Variants in EYS observed in about 807,000 individuals in gnomAD.
EYS encodes the protein EGF-like photoreceptor maintenance factor.
Under a neutral mutation model 282.1 loss-of-function variants are expected in EYS, and 250 were observed. The observed-to-expected ratio is 0.89, with a 90% CI of 0.80 to 0.98. The LOEUF is 0.98. Ranked by LOEUF, EYS falls within the 50% of genes least tolerant of loss-of-function variation. The pLI is 0.00. For synonymous variants in EYS, 1,355 were observed against 1,282.9 expected (o/e 1.06, Z -1.20); for missense variants, 4,016 against 3,709.0 (o/e 1.08, Z -2.15).
intron 26 of EYS, among the ~76,000 whole-genome samples, chr6:64,442,804 A>C (rs1345407279): frequency 7.0e-6 from 1 of 142,332 alleles, no homozygotes; most frequent in East Asian, 2.2e-4. Flanking sequence ...CTCTGCCTAG[A>C]TTTCAGAAGA....
At position 64,912,588 on chromosome 6, in the gene EYS, CA is replaced by C; in HGVS notation, c.2536del (p.Cys846AlafsTer22). 1.9e-6 allele frequency: 3 copies of C among 1,551,140 alleles called. No individual in the cohort carries two copies. Among genetic ancestry groups the C allele is most frequent in the Non-Finnish European group, 2.6e-6 (3 of 1,146,632 alleles). ...GTCACAAAGGTTATAGCGTTGGTGG[CA>C]AAATTGTCCAGTATAAAGGGGTGGG... ...LCPPLYTGQF[C>X]HQRYNLCDLL... On this transcript the variant is annotated frameshift_variant, in exon 16 of 43. Transcript: ENST00000503581. LOFTEE classifies it high-confidence loss of function.
At chr6:65,267,967 CCACACA>C (rs370093622) in intron 12 of EYS, among the ~76,000 whole-genome samples, 4 of 149,588 alleles carry the variant, frequency 2.7e-5, no homozygotes, top group African/African-American at 4.9e-5. Flanking sequence ...ACACACACAC[CCACACA>C]CACACACACA....
intron 22 of EYS, among the ~76,000 whole-genome samples, chr6:64,790,102 G>A (rs79111296): frequency 1.4e-3 from 208 of 151,836 alleles, no homozygotes; most frequent in African/African-American, 4.8e-3. Context: ...TTATTTGCTG[G>A]AAGAAACTAA....
At position 65,550,143 on chromosome 6, in the gene EYS, CTTTTTTTTTTTTTTTTTTTTTTT is replaced by C. The variant is rs1048251073; in HGVS notation, c.-332-54173_-332-54151del. Among the ~76,000 whole-genome samples the C allele has an allele frequency of 2.7e-3, 16 of 5,954 alleles. 2 individuals carry two copies. Among genetic ancestry groups the C allele is most frequent in the African/African-American group, 3.9e-3 (3 of 764 alleles). 3.9% of individuals were successfully genotyped at this position (5,954 alleles called of 152,430 possible). ...AAGTTAGTATCTGACTCTACTATAT[CTTTTTTTTTTTTTTTTTTTTTTT>C]TTTTTTTTTTTTTTTTTTTGGGGAT... On this transcript the variant is annotated intron_variant, in intron 2 of 42. Transcript: ENST00000503581.
intron 35 of EYS, among the ~76,000 whole-genome samples, chr6:63,909,356 A>C (rs866555198): frequency 7.9e-5 from 12 of 152,246 alleles, no homozygotes; most frequent in Middle Eastern, 3.4e-3. Flanking sequence ...TACTCTCTCT[A>C]TATATTTTTA....
At chr6:64,402,561 G>A (rs1341580793) in intron 28 of EYS, among the ~76,000 whole-genome samples, 1 of 152,116 alleles carries the variant, frequency 6.6e-6, no homozygotes. Flanking sequence ...GATTGCTTCT[G>A]GTCTTTATGT....
At chr6:64,908,254 A>G (rs1454712563) in intron 16 of EYS, among the ~76,000 whole-genome samples, 1 of 152,080 alleles carries the variant, frequency 6.6e-6, no homozygotes, top group African/African-American at 2.4e-5. Context: ...CCAGATGCCG[A>G]AACAGGAGCA....
At chr6:65,299,682 A>C (rs1582114954) in intron 11 of EYS, among the ~76,000 whole-genome samples, 1 of 152,260 alleles carries the variant, frequency 6.6e-6, no homozygotes, top group East Asian at 1.9e-4. Flanking sequence ...CAAATATTAC[A>C]GTGCGTTTCC....
chr6:64,043,114 G>A (rs963004567), intron 33 of EYS, among the ~76,000 whole-genome samples: 1 of 151,834 alleles, frequency 6.6e-6, no homozygotes, highest in African/African-American at 2.4e-5. Context: ...ATTTAAGTTG[G>A]GTCCCATAAA....
intron 12 of EYS, among the ~76,000 whole-genome samples, chr6:65,248,121 A>T (rs1170833037): frequency 6.6e-6 from 1 of 152,036 alleles, no homozygotes; most frequent in African/African-American, 2.4e-5. Flanking sequence ...TTGGCTGCTC[A>T]ATTTTAACAC....
intron 31 of EYS, among the ~76,000 whole-genome samples, chr6:64,227,443 T>G (rs1179177353): frequency 6.6e-6 from 1 of 152,140 alleles, no homozygotes; most frequent in African/African-American, 2.4e-5. Context: ...AAATTTGATT[T>G]TCCAGCTAGT....
rs1481791270 is a variant in EYS at position 63,864,304 on chromosome 6, G to A, written c.7110C>T (p.Cys2370=). 2.6e-6 allele frequency: 4 copies of A among 1,551,466 alleles called. No homozygotes were observed. The highest frequency in any genetic ancestry group is 3.5e-6 in the Non-Finnish European group (4 of 1,146,828). Reference sequence around the variant, plus strand: ...GGTTGTTTTCACAACTTGCAAACTGGCACAGCTTGCCTGAATACAGCCTTG... The same window carrying A: ...GGTTGTTTTCACAACTTGCAAACTGACACAGCTTGCCTGAATACAGCCTTG... ...ECPRLYSGKL[C]QFASCENNPC... is the part of the protein sequence containing the mutation. Residue 2370 remains cysteine, a synonymous_variant, in exon 36 of 43, where the codon TGC becomes TGT. Coordinates refer to ENST00000503581, the MANE Select transcript of EYS (RefSeq NM_001142800.2).
rs951921760 is a variant in EYS, at chr6:65,495,494, AGTTGTG to A, written c.-90_-85del. The A allele has an allele frequency of 6.8e-6, 10 of 1,464,826 alleles. No homozygotes were observed. In the African/African-American group the frequency reaches 1.4e-4, roughly 20 times the overall value. 90.7% of individuals were successfully genotyped at this position (1,464,826 alleles called of 1,614,324 possible). ...AGTATTACCGGAAATTTCCAAGTAA[AGTTGTG>A]GTTAAGGATTCCTGGGAATTGGAAT... On this transcript the variant is annotated 5_prime_UTR_variant, in exon 4 of 43. Coordinates refer to ENST00000503581, the MANE Select transcript of EYS (RefSeq NM_001142800.2).
At chr6:64,958,745 A>C (rs1583332378) in intron 14 of EYS, among the ~76,000 whole-genome samples, 1 of 111,706 alleles carries the variant, frequency 9.0e-6, no homozygotes, top group East Asian at 3.4e-4. Flanking sequence ...AAAAAAAAAA[A>C]AAAAAAAAAA....
At chr6:64,525,656 T>A (rs1777894236) in intron 26 of EYS, among the ~76,000 whole-genome samples, 1 of 151,582 alleles carries the variant, frequency 6.6e-6, no homozygotes, top group Non-Finnish European at 1.5e-5. Flanking sequence ...CCTGCAAGTA[T>A]ACTCCTGAAC....
At chr6:64,288,677 A>AT (rs767282516) in intron 30 of EYS, among the ~76,000 whole-genome samples, 5 of 152,048 alleles carry the variant, frequency 3.3e-5, no homozygotes, top group Admixed American at 1.3e-4. Flanking sequence ...ACATGATTGC[A>AT]TTTTTAAATA....
intron 2 of EYS, among the ~76,000 whole-genome samples, chr6:65,604,872 C>G (rs1765733281): frequency 7.7e-6 from 1 of 129,792 alleles, no homozygotes; most frequent in Non-Finnish European, 1.6e-5. Context: ...GAGACAGGGT[C>G]TTGCTCTGTC....
intron 13 of EYS, among the ~76,000 whole-genome samples, chr6:65,026,895 C>T (rs62407164): frequency 0.02 from 2,741 of 135,342 alleles, 31 homozygotes; most frequent in South Asian, 0.047. Context: ...CCAGCCTGGG[C>T]GACAGAGTGA....
chr6:63,978,194 A>G (rs928791710), intron 35 of EYS, among the ~76,000 whole-genome samples: 25 of 152,028 alleles, frequency 1.6e-4, no homozygotes, highest in African/African-American at 5.8e-4. Context: ...TACTCAATTA[A>G]TTAACATAAT....
Sources: allele counts gnomAD v4.1 joint callset (sites outside exome capture counted in the v4.1 genomes callset), GRCh38; gene constraint gnomAD v4.1.1; transcripts MANE v1.5; gene names NCBI Gene and HGNC (gene_info 2026-07-23, HGNC 2026-07-21).